SLC25A20: variants seen among roughly 807,000 people sequenced by gnomAD.
SLC25A20 encodes the protein mitochondrial carnitine/acylcarnitine carrier protein.
Under a neutral mutation model 39.7 loss-of-function variants are expected in SLC25A20, and 29 were observed. The ratio of observed to expected loss-of-function variants is 0.73; its 90% CI spans 0.54 to 1.00. The LOEUF (loss-of-function observed/expected upper bound fraction) is 1.00, where lower values mean the gene tolerates loss of function less well. Ranked by LOEUF, SLC25A20 falls within the 50% of genes least tolerant of loss-of-function variation. SLC25A20 has a pLI of 0.00. For missense variants in SLC25A20, 333 were observed against 379.9 expected (o/e 0.88, Z 1.03); for synonymous variants, 103 against 142.2 (o/e 0.72, Z 1.96).
intron 4 of SLC25A20, among the ~76,000 whole-genome samples, chr3:48,873,919 A>C (rs1359437673): frequency 4.3e-4 from 57 of 133,102 alleles, no homozygotes; most frequent in Non-Finnish European, 7.3e-4. Context: ...CAGCGAGCTG[A>C]GATTGCGCTA....
At chr3:48,889,941 G>A (rs561543449) in intron 2 of SLC25A20, among the ~76,000 whole-genome samples, 53 of 152,264 alleles carry the variant, frequency 3.5e-4, no homozygotes, top group African/African-American at 1.1e-3. Flanking sequence ...CCTCTGTCAC[G>A]CCCGCATAAG....
chr3:48,889,810 TC>T, intron 2 of SLC25A20, among the ~76,000 whole-genome samples: 2 of 152,346 alleles, frequency 1.3e-5, no homozygotes, highest in Admixed American at 1.3e-4. Context: ...ACATTATTAA[TC>T]ATTAGCTTTT....
intron 2 of SLC25A20, 68 bp downstream of exon 2, chr3:48,891,912 T>C (rs976343376): frequency 2.4e-6 from 3 of 1,271,984 alleles, no homozygotes; most frequent in African/African-American, 2.9e-5. Context: ...CCTACTCTCC[T>C]TGGGGGTAAC....
chr3:48,858,397 G>GT, intron 8 of SLC25A20, 110 bp downstream of exon 8: 1 of 1,487,014 alleles, frequency 6.7e-7, no homozygotes, highest in South Asian at 1.1e-5. Context: ...TGAAGATAGG[G>GT]CTTTGGGAAA....
chr3:48,876,241 C>G (rs2083755965), intron 4 of SLC25A20, among the ~76,000 whole-genome samples: 1 of 147,896 alleles, frequency 6.8e-6, no homozygotes, highest in Admixed American at 6.8e-5. Flanking sequence ...ACTGGGGAGG[C>G]TGAGGCAGGA....
chr3:48,857,447 G>A lies in SLC25A20; in HGVS notation c.*263C>T. The A allele has an allele frequency of 2.1e-6, 1 of 487,764 alleles. No individual in the cohort carries two copies. Among genetic ancestry groups the A allele is most frequent in the Non-Finnish European group, 3.8e-6 (1 of 264,892 alleles). The allele number at this position is 487,764 out of a possible 1,614,324, so 30.2% of individuals were successfully genotyped here. On this transcript the variant is annotated 3_prime_UTR_variant, in exon 9 of 9. Coordinates refer to ENST00000319017, the MANE Select transcript of SLC25A20 (RefSeq NM_000387.6). ...GCATTCTTGCCACAGGTAGTATCTG[G>A]TCTGGAAGCTACTTGTTCCATTTCC...
intron 4 of SLC25A20, among the ~76,000 whole-genome samples, chr3:48,870,715 T>G (rs905388867): frequency 4.0e-5 from 6 of 151,764 alleles, no homozygotes; most frequent in African/African-American, 1.5e-4. Context: ...TTCGCTATAT[T>G]GCCCAGGCTG....
At chr3:48,871,752 G>C (rs1324507672) in intron 4 of SLC25A20, among the ~76,000 whole-genome samples, 2 of 139,470 alleles carry the variant, frequency 1.4e-5, no homozygotes, top group Non-Finnish European at 3.1e-5. Flanking sequence ...GGGCAACAAA[G>C]AGCGAAACTC....
chr3:48,893,069 C>T (rs2106666784), intron 1 of SLC25A20, among the ~76,000 whole-genome samples: 1 of 151,720 alleles, frequency 6.6e-6, no homozygotes, highest in Middle Eastern at 3.4e-3. Flanking sequence ...CTCTGTCACT[C>T]AGGCTGGAGT....
At chr3:48,891,895 C>T (rs767310863) in intron 2 of SLC25A20, 85 bp downstream of exon 2, 3 of 1,098,806 alleles carry the variant, frequency 2.7e-6, no homozygotes, top group Non-Finnish European at 2.8e-6. Context: ...CAGAACCACA[C>T]AGTTAACCTA....
At chr3:48,891,953 G>T in intron 2 of SLC25A20, 27 bp downstream of exon 2, 1 of 1,536,780 alleles carries the variant, frequency 6.5e-7, no homozygotes, top group African/African-American at 1.4e-5. Context: ...TTCTGAGTAA[G>T]AGGAATGCCC....
intron 4 of SLC25A20, among the ~76,000 whole-genome samples, chr3:48,870,819 T>G (rs1192544713): frequency 1.3e-5 from 2 of 148,542 alleles, no homozygotes; most frequent in Non-Finnish European, 3.0e-5. Flanking sequence ...ATCAGATTTT[T>G]TTTTTTTTTT....
chr3:48,866,572 A>C (rs1194576399), intron 4 of SLC25A20, among the ~76,000 whole-genome samples: 1 of 152,132 alleles, frequency 6.6e-6, no homozygotes, highest in Non-Finnish European at 1.5e-5. Flanking sequence ...AACAAAAAAC[A>C]AAAACAAAAA....
In SLC25A20 at chr3:48,898,804, G is replaced by C. The variant is rs1285022277; in HGVS notation, c.-10C>G. On this transcript the variant is annotated 5_prime_UTR_variant, in exon 1 of 9. Transcript: ENST00000319017. Reference sequence around the variant, plus strand: ...TTGGCTGGTCGGCCATGGTCAGTCCGTCTGTCACTCCGTCTGTCAGTTCTC... The same window carrying C: ...TTGGCTGGTCGGCCATGGTCAGTCCCTCTGTCACTCCGTCTGTCAGTTCTC... 2.6e-6 allele frequency: 4 copies of C among 1,557,070 alleles called. No individual in the cohort carries two copies. Among genetic ancestry groups the C allele is most frequent in the Non-Finnish European group, 3.5e-6 (4 of 1,150,288 alleles).
At chr3:48,857,888 C>A in intron 8 of SLC25A20, 116 bp from the exon 9 acceptor site, 1 of 820,828 alleles carries the variant, frequency 1.2e-6, no homozygotes, top group Non-Finnish European at 2.1e-6. Context: ...AACCCCACAC[C>A]CACTCCACAT....
intron 4 of SLC25A20, among the ~76,000 whole-genome samples, chr3:48,875,441 G>A (rs750371295): frequency 1.3e-5 from 2 of 151,626 alleles, no homozygotes; most frequent in East Asian, 1.9e-4. Context: ...TTAGTTTTTC[G>A]CTTTGTCACC....
chr3:48,897,901 G>C (rs1198175566), intron 1 of SLC25A20, among the ~76,000 whole-genome samples: 2 of 152,176 alleles, frequency 1.3e-5, no homozygotes, highest in Non-Finnish European at 2.9e-5. Context: ...AAGCCATGGG[G>C]GATGGACTTT....
intron 1 of SLC25A20, 105 bp from the exon 2 acceptor site, chr3:48,892,177 G>C: frequency 1.2e-6 from 1 of 845,924 alleles, no homozygotes; most frequent in Non-Finnish European, 2.0e-6. Flanking sequence ...CTGTACCCTT[G>C]TACATGTCTT....
intron 3 of SLC25A20, 35 bp downstream of exon 3, chr3:48,883,962 A>C: frequency 6.2e-7 from 1 of 1,611,052 alleles, no homozygotes; most frequent in Non-Finnish European, 8.5e-7. Flanking sequence ...GCTACCAGGC[A>C]GAACAGCAAG....
Sources: allele counts gnomAD v4.1 joint callset (sites outside exome capture counted in the v4.1 genomes callset), GRCh38; gene constraint gnomAD v4.1.1; transcripts MANE v1.5; gene names NCBI Gene and HGNC (gene_info 2026-07-23, HGNC 2026-07-21).